The following PIP5K1B variants were observed in gnomAD, a reference collection of about 807,000 sequenced individuals.
PIP5K1B encodes phosphatidylinositol-4-phosphate 5-kinase type 1 beta.
Under a neutral mutation model 67.0 loss-of-function variants are expected in PIP5K1B, and 42 were observed. That is an observed-to-expected ratio of 0.63 (90% confidence interval 0.49 to 0.81). The LOEUF is 0.81. Ranked by LOEUF, PIP5K1B falls within the 30% of genes least tolerant of loss-of-function variation. The probability of loss-of-function intolerance (pLI) is 0.00; values close to 1 mark genes in which losing one functional copy is unlikely to be tolerated. For synonymous variants in PIP5K1B, 214 were observed against 231.4 expected, an observed-to-expected ratio of 0.92 and a Z score of 0.68; for missense variants, 459 against 646.3, an observed-to-expected ratio of 0.71 and a Z score of 3.14.
At chr9:68,931,754 C>G (rs917376971) in intron 12 of PIP5K1B, among the ~76,000 whole-genome samples, 1 of 152,124 alleles carries the variant, frequency 6.6e-6, no homozygotes, top group African/African-American at 2.4e-5. Context: ...TGGAGGCAGT[C>G]GAGTGGCAGA....
chr9:68,919,435 T>C (rs1425815117), intron 9 of PIP5K1B, 44 bp from the exon 10 acceptor site: 2 of 950,560 alleles, frequency 2.1e-6, no homozygotes, highest in Non-Finnish European at 3.2e-6. Context: ...CTTCCTATTC[T>C]TATAATATGT....
At chr9:68,788,857 C>A in intron 2 of PIP5K1B, 1 of 236,782 alleles carries the variant, frequency 4.2e-6, no homozygotes, top group South Asian at 5.8e-5. Context: ...ACTGGGATTG[C>A]AACCAGTTTC....
At chr9:68,966,273 TC>T (rs1829027326) in intron 14 of PIP5K1B, among the ~76,000 whole-genome samples, 1 of 152,100 alleles carries the variant, frequency 6.6e-6, no homozygotes, top group Non-Finnish European at 1.5e-5. Context: ...CAACACCCCA[TC>T]CCTTAAGCGT....
At chr9:68,825,518 C>G (rs528719404) in intron 4 of PIP5K1B, among the ~76,000 whole-genome samples, 13 of 152,322 alleles carry the variant, frequency 8.5e-5, no homozygotes, top group South Asian at 4.1e-4. Context: ...GTCAAGGCCA[C>G]CATACATCTT....
chr9:68,981,782 G>C lies in PIP5K1B; in HGVS notation c.1503-9358G>C, dbSNP rs939667821. On this transcript the variant is annotated intron_variant, in intron 14 of 15. Coordinates refer to ENST00000265382, the MANE Select transcript of PIP5K1B (RefSeq NM_003558.4). ...CCAATGAAGCCAAACTAATGTTGCT[G>C]ATAACCAAAAGAATCTTTTTTTTTT... Among the ~76,000 whole-genome samples the C allele has an allele frequency of 3.3e-5, 5 of 151,332 alleles. No individual in the cohort carries two copies. In the East Asian group the frequency reaches 9.8e-4, roughly 30 times the overall value.
chr9:68,753,202 AAAGAACAGAATAGGT>A (rs951311933), intron 2 of PIP5K1B, among the ~76,000 whole-genome samples: 12 of 151,530 alleles, frequency 7.9e-5, no homozygotes, highest in Admixed American at 2.0e-4. Context: ...TTAACATTTT[AAAGAACAGAATAGGT>A]AAGAACAGAA....
chr9:68,940,288 C>T (rs1474017099), intron 13 of PIP5K1B, among the ~76,000 whole-genome samples: 2 of 152,212 alleles, frequency 1.3e-5, no homozygotes, highest in African/African-American at 2.4e-5. Context: ...TCTGTTTATA[C>T]ACTTGCCAGT....
intron 15 of PIP5K1B, among the ~76,000 whole-genome samples, chr9:69,002,891 G>A (rs1446527422): frequency 3.3e-5 from 5 of 152,208 alleles, no homozygotes; most frequent in East Asian, 1.9e-4. Flanking sequence ...GCTAAGGCAC[G>A]AGAATCACTT....
At chr9:68,777,264 A>G (rs1830961372) in intron 2 of PIP5K1B, among the ~76,000 whole-genome samples, 1 of 152,226 alleles carries the variant, frequency 6.6e-6, no homozygotes, top group African/African-American at 2.4e-5. Flanking sequence ...TGATTCAACA[A>G]GTACTTACTC....
rs1332426167 is a variant in PIP5K1B, at chr9:68,957,101, T to G, written c.1502+16311T>G. ...CTCTTATGTATCCAGGTTCTTTCCA[T>G]CTTTCTGCTCTGCCATGCTTCACTC... On this transcript the variant is annotated intron_variant, in intron 14 of 15. Coordinates refer to ENST00000265382, the MANE Select transcript of PIP5K1B (RefSeq NM_003558.4). Among the ~76,000 whole-genome samples, 8 of 152,340 alleles carry G rather than the reference T, an allele frequency of 5.3e-5. No homozygotes were observed. The East Asian group carries it at 1.5e-3, about 29-fold the overall frequency.
Position 68,754,175 on chromosome 9 carries a change from C to T in PIP5K1B, c.-86+11518C>T, listed in dbSNP as rs147205914. Among the ~76,000 whole-genome samples the T allele has an allele frequency of 2.3e-3, 232 of 100,976 alleles. 11 individuals carry two copies. Among genetic ancestry groups the T allele is most frequent in the East Asian group, 0.011 (32 of 2,932 alleles). 66.2% of individuals were successfully genotyped at this position (100,976 alleles called of 152,430 possible). ...AGTCTTCTTTTATGTTCCATGATTTCTTTTTTTTTTTTGAGACAGAGTCTC... is the reference window on the plus strand; with the variant it reads ...AGTCTTCTTTTATGTTCCATGATTTTTTTTTTTTTTTTGAGACAGAGTCTC... On this transcript the variant is annotated intron_variant, in intron 2 of 15. Coordinates refer to ENST00000265382, the MANE Select transcript of PIP5K1B (RefSeq NM_003558.4).
chr9:68,722,565 T>C lies in PIP5K1B; in HGVS notation c.-243+16803T>C, dbSNP rs1475924949. Reference sequence around the variant, plus strand: ...CTGCTCCTGCTACTTTTTTTTTCCCTTTTTCCTCTTTGGAGGCTCATTTGC... The same window carrying C: ...CTGCTCCTGCTACTTTTTTTTTCCCCTTTTCCTCTTTGGAGGCTCATTTGC... On this transcript the variant is annotated intron_variant, in intron 1 of 15. Coordinates refer to ENST00000265382, the MANE Select transcript of PIP5K1B (RefSeq NM_003558.4). 3.9e-5 allele frequency among the ~76,000 whole-genome samples: 6 copies of C among 151,992 alleles called. No homozygotes were observed. In the East Asian group the frequency reaches 7.7e-4, roughly 20 times the overall value.
intron 5 of PIP5K1B, among the ~76,000 whole-genome samples, chr9:68,865,298 C>T (rs62566869): frequency 5.4e-5 from 8 of 149,372 alleles, no homozygotes; most frequent in Non-Finnish European, 8.9e-5. Context: ...GCCTACCATT[C>T]CAAAAAAAAA....
At chr9:68,837,346 G>A (rs781037987) in intron 4 of PIP5K1B, among the ~76,000 whole-genome samples, 10 of 152,268 alleles carry the variant, frequency 6.6e-5, no homozygotes, top group Non-Finnish European at 7.4e-5. Context: ...CTGTTTTTCC[G>A]AGTCCTCAAG....
chr9:68,845,776 G>A (rs978196826), intron 4 of PIP5K1B, among the ~76,000 whole-genome samples: 4 of 152,198 alleles, frequency 2.6e-5, no homozygotes, highest in African/African-American at 7.2e-5. Context: ...ATCTTGAAAC[G>A]TGAGGTTACA....
chr9:68,983,751 G>T (rs560279878), intron 14 of PIP5K1B, among the ~76,000 whole-genome samples: 2 of 152,176 alleles, frequency 1.3e-5, no homozygotes, highest in African/African-American at 4.8e-5. Flanking sequence ...AGTCTGAATC[G>T]AGAGAACTGT....
chr9:69,001,933 G>T (rs1057117125), intron 15 of PIP5K1B, among the ~76,000 whole-genome samples: 1 of 152,208 alleles, frequency 6.6e-6, no homozygotes, highest in Non-Finnish European at 1.5e-5. Flanking sequence ...ATCAGTCAGG[G>T]AGCTGTGTTA....
chr9:69,006,751 C>G (rs10869689), intron 15 of PIP5K1B, among the ~76,000 whole-genome samples: 12,196 of 152,250 alleles, frequency 0.08, 796 homozygotes, highest in East Asian at 0.36. Context: ...AGACACAGAA[C>G]TCCAGTGTGA....
chr9:68,794,594 T>C (rs929582078), intron 2 of PIP5K1B, among the ~76,000 whole-genome samples: 41 of 152,000 alleles, frequency 2.7e-4, no homozygotes, highest in Middle Eastern at 3.2e-3. Context: ...TTTCCACTTA[T>C]AAATTGAAAT....
Sources: allele counts gnomAD v4.1 joint callset (sites outside exome capture counted in the v4.1 genomes callset), GRCh38; gene constraint gnomAD v4.1.1; transcripts MANE v1.5; gene names NCBI Gene and HGNC (gene_info 2026-07-23, HGNC 2026-07-21).